Variants in TSGA10 observed in about 807,000 individuals in gnomAD.
TSGA10 encodes the protein testis specific 10.
TSGA10 carries 43 observed loss-of-function variants against 96.6 expected under a neutral mutation model. That is an observed-to-expected ratio of 0.44 (90% CI 0.35 to 0.57). The LOEUF is 0.57. Among genes scored for constraint, TSGA10 ranks in the 20% least tolerant of loss-of-function variants. The pLI is 0.01. For missense variants in TSGA10, 703 were observed against 834.4 expected (o/e 0.84, Z 1.94); for synonymous variants, 229 against 269.9 (o/e 0.85, Z 1.48).
At chr2:99,139,728 T>A (rs2093459663) in intron 1 of TSGA10, among the ~76,000 whole-genome samples, 2 of 152,064 alleles carry the variant, frequency 1.3e-5, no homozygotes, top group African/African-American at 4.8e-5. Context: ...AAATGTTGAG[T>A]AAAGAAGCAA....
intron 1 of TSGA10, among the ~76,000 whole-genome samples, chr2:99,127,727 T>C (rs2092902938): frequency 6.6e-6 from 1 of 152,136 alleles, no homozygotes; most frequent in Admixed American, 6.6e-5. Context: ...AGATACCCCC[T>C]TTTAACCATC....
intron 1 of TSGA10, chr2:99,150,815 A>G (rs1185549538): frequency 6.3e-7 from 1 of 1,592,380 alleles, no homozygotes; most frequent in East Asian, 2.2e-5. Context: ...GATGGACTAG[A>G]AATGACAGAT....
At chr2:99,067,286 TG>T (rs1482264860) in intron 15 of TSGA10, among the ~76,000 whole-genome samples, 1 of 152,208 alleles carries the variant, frequency 6.6e-6, no homozygotes, top group Non-Finnish European at 1.5e-5. Context: ...CCTATCAAAA[TG>T]GATCCGTGGT....
chr2:99,065,096 T>G lies in TSGA10; in HGVS notation c.1247A>C (p.Gln416Pro). The G allele has an allele frequency of 6.2e-7, 1 of 1,612,996 alleles. No homozygotes were observed. Among genetic ancestry groups the G allele is most frequent in the Non-Finnish European group, 8.5e-7 (1 of 1,179,742 alleles). ...AGCATCTTCATTGGCTTTTCGAAGT[T>G]GTTCCATCATTTGCCGGTTCTCAGA... ...EESENRQMME[Q>P]LRKANEDAEN... is the part of the protein sequence containing the mutation. Residue 416 changes from glutamine to proline, a missense_variant, in exon 16 of 21, where the codon CAA becomes CCA. By Grantham distance (76) the Gln-to-Pro change is moderately conservative (BLOSUM62 -1). Around this residue, in one of 3 missense-constraint regions of TSGA10, gnomAD observed 585 missense variants for 656.8 expected, o/e 0.89. Coordinates refer to ENST00000393483, the MANE Select transcript of TSGA10 (RefSeq NM_025244.4).
At chr2:99,140,200 G>T (rs2093479398) in intron 1 of TSGA10, among the ~76,000 whole-genome samples, 1 of 152,036 alleles carries the variant, frequency 6.6e-6, no homozygotes, top group African/African-American at 2.4e-5. Context: ...TAAGACTGAA[G>T]AGTTTGGCTC....
In TSGA10 at chr2:99,071,705, C is replaced by T; in HGVS notation, c.1107+1G>A. On this transcript the variant is annotated splice_donor_variant, in intron 14 of 20. Coordinates refer to ENST00000393483, the MANE Select transcript of TSGA10 (RefSeq NM_025244.4). LOFTEE classifies it high-confidence loss of function. ...GAAAATGATTCTAGGAACAAGTGTA[C>T]CTGGTTTTCTTGTTTAGCTTTAGCA... The T allele has an allele frequency of 6.2e-7, 1 of 1,606,838 alleles. No homozygotes were observed. Among genetic ancestry groups the T allele is most frequent in the Non-Finnish European group, 8.5e-7 (1 of 1,176,748 alleles).
At chr2:99,050,297 C>G (rs2083261997) in intron 16 of TSGA10, among the ~76,000 whole-genome samples, 1 of 152,050 alleles carries the variant, frequency 6.6e-6, no homozygotes, top group Non-Finnish European at 1.5e-5. Context: ...TACAGAAAAT[C>G]CAAAATACTC....
At chr2:99,050,885 T>C (rs1172228869) in intron 16 of TSGA10, among the ~76,000 whole-genome samples, 3 of 148,862 alleles carry the variant, frequency 2.0e-5, no homozygotes, top group African/African-American at 7.3e-5. Context: ...GATTATAATA[T>C]CATATTTTTA....
intron 1 of TSGA10, among the ~76,000 whole-genome samples, chr2:99,130,536 G>C (rs1338619541): frequency 1.3e-5 from 2 of 152,094 alleles, no homozygotes; most frequent in South Asian, 4.1e-4. Context: ...CCTTTTGTCA[G>C]ATGGGTAGAT....
intron 20 of TSGA10, among the ~76,000 whole-genome samples, chr2:99,009,703 A>C (rs1209894266): frequency 1.3e-5 from 2 of 152,140 alleles, no homozygotes; most frequent in African/African-American, 2.4e-5. Context: ...TGTTGAGTAA[A>C]CATGTTAATG....
intron 20 of TSGA10, among the ~76,000 whole-genome samples, chr2:99,002,356 C>T (rs58564485): frequency 1.4e-3 from 209 of 151,468 alleles, no homozygotes; most frequent in Admixed American, 2.4e-3. Flanking sequence ...AAAGAATTTT[C>T]AACCCAGAAT....
intron 20 of TSGA10, among the ~76,000 whole-genome samples, chr2:99,017,642 G>T (rs2079629447): frequency 6.6e-6 from 1 of 151,338 alleles, no homozygotes; most frequent in Admixed American, 6.6e-5. Context: ...GCGGGCGCCT[G>T]TAGTCCCAGC....
At chr2:99,086,008 A>G (rs2088310670) in intron 10 of TSGA10, among the ~76,000 whole-genome samples, 1 of 152,218 alleles carries the variant, frequency 6.6e-6, no homozygotes, top group African/African-American at 2.4e-5. Context: ...ATATATGGTC[A>G]ATCGATTTTC....
chr2:99,132,223 G>C (rs866566660), intron 1 of TSGA10, among the ~76,000 whole-genome samples: 3 of 151,974 alleles, frequency 2.0e-5, no homozygotes, highest in South Asian at 2.1e-4. Flanking sequence ...TGTACCTCTG[G>C]TAGAATTCAG....
At chr2:99,121,487 T>C (rs1436624272) in intron 2 of TSGA10, among the ~76,000 whole-genome samples, 1 of 152,186 alleles carries the variant, frequency 6.6e-6, no homozygotes, top group Non-Finnish European at 1.5e-5. Flanking sequence ...TGTGTGTATA[T>C]ATATTTGAGA....
chr2:99,130,341 A>G (rs910713590), intron 1 of TSGA10, among the ~76,000 whole-genome samples: 1 of 152,208 alleles, frequency 6.6e-6, no homozygotes, highest in Admixed American at 6.5e-5. Flanking sequence ...ATGAGATGGT[A>G]TCTCATTGTG....
At chr2:99,060,052 T>C (rs994248782) in intron 16 of TSGA10, among the ~76,000 whole-genome samples, 7 of 152,006 alleles carry the variant, frequency 4.6e-5, no homozygotes, top group African/African-American at 1.2e-4. Flanking sequence ...TCAATACTGA[T>C]ATTTGAAGTA....
chr2:99,112,559 C>T (rs2091904050), intron 4 of TSGA10, among the ~76,000 whole-genome samples: 1 of 151,904 alleles, frequency 6.6e-6, no homozygotes, highest in African/African-American at 2.4e-5. Context: ...TGAAAGGTGA[C>T]CTTTGACCAA....
At chr2:99,075,997 G>A (rs889643972) in intron 12 of TSGA10, among the ~76,000 whole-genome samples, 3 of 152,032 alleles carry the variant, frequency 2.0e-5, no homozygotes, top group Admixed American at 6.5e-5. Flanking sequence ...ACCATCTCAT[G>A]CCCTTTGATG....
Sources: allele counts gnomAD v4.1 joint callset (sites outside exome capture counted in the v4.1 genomes callset), GRCh38; gene constraint gnomAD v4.1.1; regional missense constraint gnomAD v4.1.1; transcripts MANE v1.5; gene names NCBI Gene and HGNC (gene_info 2026-07-23, HGNC 2026-07-21).